The following SPON1 variants were observed in gnomAD, a reference collection of about 807,000 sequenced individuals.
SPON1 encodes spondin 1, also known as spondin-1.
A neutral mutation model predicts 111.7 loss-of-function variants in SPON1; 52 were observed. The ratio of observed to expected loss-of-function variants is 0.47; its 90% confidence interval spans 0.37 to 0.59. SPON1 has a LOEUF of 0.59. SPON1 is among the 20% of genes least tolerant of loss of function. The pLI, the probability that SPON1 is intolerant of heterozygous loss-of-function variation, is 0.00. For missense variants in SPON1, 957 were observed against 1,068.5 expected (o/e 0.90, Z 1.46); for synonymous variants, 410 against 395.8 (o/e 1.04, Z -0.43).
At chr11:13,968,033 A>G (rs1554908219) in intron 1 of SPON1, among the ~76,000 whole-genome samples, 2 of 152,222 alleles carry the variant, frequency 1.3e-5, no homozygotes, top group African/African-American at 4.8e-5. Flanking sequence ...TGACTCTTTC[A>G]GTTGCATCAA....
chr11:14,141,278 TAGA>T (rs1282921601), intron 6 of SPON1, among the ~76,000 whole-genome samples: 1 of 152,218 alleles, frequency 6.6e-6, no homozygotes, highest in Non-Finnish European at 1.5e-5. Context: ...TATCTGTTTG[TAGA>T]AGGAGAGAGA....
rs1349230586 is a variant in SPON1 at position 13,969,588 on chromosome 11, T to G, written c.238+6446T>G. ...AATGAAAACCCACTGGGGTATACAT[T>G]CAGAATGAAAATGAAAGAAAATATT... On this transcript the variant is annotated intron_variant, in intron 1 of 15. Transcript: ENST00000576479. Among the ~76,000 whole-genome samples the G allele has an allele frequency of 3.9e-5, 6 of 151,910 alleles. No homozygotes were observed. In the East Asian group the frequency reaches 1.2e-3, roughly 29 times the overall value.
intron 3 of SPON1, among the ~76,000 whole-genome samples, chr11:14,064,605 C>G (rs929050775): frequency 6.6e-6 from 1 of 152,048 alleles, no homozygotes. Context: ...GAGAGAGGAG[C>G]CTTTGTTTAG....
chr11:14,127,733 C>T (rs1028130336), intron 5 of SPON1, among the ~76,000 whole-genome samples: 13 of 152,124 alleles, frequency 8.5e-5, no homozygotes, highest in African/African-American at 1.9e-4. Flanking sequence ...AGTAAAGTCT[C>T]GTGTATTAGT....
rs16913765 is a variant in SPON1, at chr11:14,246,004, G to C, written c.890+2608G>C. 5.1e-3 allele frequency among the ~76,000 whole-genome samples: 770 copies of C among 152,344 alleles called. 13 individuals are homozygous for C. The highest frequency in any genetic ancestry group is 0.049 in the East Asian group (256 of 5,190). On this transcript the variant is annotated intron_variant, in intron 7 of 15. Coordinates refer to ENST00000576479, the MANE Select transcript of SPON1 (RefSeq NM_006108.4). The stretch of plus-strand genomic sequence containing the variant: ...TCACCCTGAATCTCCTTACTCTGCT[G>C]TCTCTTCAGATTCTCCCAGTTCCTT...
At chr11:13,975,393 T>A (rs903458331) in intron 1 of SPON1, among the ~76,000 whole-genome samples, 1 of 152,324 alleles carries the variant, frequency 6.6e-6, no homozygotes, top group East Asian at 1.9e-4. Context: ...TAAAACCTTT[T>A]TTGTTCATTC....
At chr11:14,247,827 C>T (rs925295349) in intron 7 of SPON1, among the ~76,000 whole-genome samples, 11 of 152,104 alleles carry the variant, frequency 7.2e-5, no homozygotes, top group Admixed American at 1.3e-4. Context: ...TTCAAGATTT[C>T]CAGTTAGAGG....
At chr11:14,106,470 T>A (rs906702499) in intron 5 of SPON1, among the ~76,000 whole-genome samples, 17 of 152,196 alleles carry the variant, frequency 1.1e-4, no homozygotes, top group African/African-American at 3.9e-4. Flanking sequence ...AAGAATTGTT[T>A]ATGCCAAGAA....
At chr11:14,023,464 A>G (rs1227997915) in intron 2 of SPON1, among the ~76,000 whole-genome samples, 1 of 152,224 alleles carries the variant, frequency 6.6e-6, no homozygotes, top group African/African-American at 2.4e-5. Flanking sequence ...GTAGATAATT[A>G]ACAACACAAG....
At chr11:14,144,691 C>A (rs1374973604) in intron 6 of SPON1, among the ~76,000 whole-genome samples, 1 of 147,778 alleles carries the variant, frequency 6.8e-6, no homozygotes, top group Admixed American at 6.8e-5. Context: ...AAGTAAAAAC[C>A]CAAAGAAGAC....
At chr11:14,070,861 T>A (rs991204528) in intron 3 of SPON1, among the ~76,000 whole-genome samples, 3 of 152,192 alleles carry the variant, frequency 2.0e-5, no homozygotes, top group Non-Finnish European at 4.4e-5. Flanking sequence ...AGATTCAGGA[T>A]GGCATTTTTG....
At chr11:14,057,004 A>G (rs1458528650) in intron 3 of SPON1, among the ~76,000 whole-genome samples, 3 of 152,162 alleles carry the variant, frequency 2.0e-5, no homozygotes, top group African/African-American at 7.2e-5. Flanking sequence ...CTGGATTACA[A>G]CCCATTAAAT....
At chr11:14,097,568 G>C (rs1849111280) in intron 5 of SPON1, among the ~76,000 whole-genome samples, 1 of 152,040 alleles carries the variant, frequency 6.6e-6, no homozygotes. Flanking sequence ...TTTCCTAATA[G>C]TTTTACCTAA....
chr11:14,057,658 C>A (rs782629750), intron 3 of SPON1, among the ~76,000 whole-genome samples: 3 of 151,734 alleles, frequency 2.0e-5, no homozygotes, highest in Non-Finnish European at 4.4e-5. Flanking sequence ...TTTTTTATAC[C>A]GCTCTTGTAA....
At chr11:14,233,745 ACTGTTT>A (rs1848829971) in intron 6 of SPON1, among the ~76,000 whole-genome samples, 1 of 138,702 alleles carries the variant, frequency 7.2e-6, no homozygotes, top group Non-Finnish European at 1.5e-5. Flanking sequence ...AGTGTCCAAC[ACTGTTT>A]CTTTTTCTTT....
intron 6 of SPON1, among the ~76,000 whole-genome samples, chr11:14,218,291 G>T (rs1466782098): frequency 1.3e-5 from 2 of 152,048 alleles, no homozygotes; most frequent in African/African-American, 2.4e-5. Context: ...CCCCTAGCGG[G>T]TCTGCATCCT....
intron 6 of SPON1, among the ~76,000 whole-genome samples, chr11:14,223,608 A>T (rs1848705479): frequency 6.6e-6 from 1 of 151,944 alleles, no homozygotes; most frequent in South Asian, 2.1e-4. Flanking sequence ...AAAATGCCAG[A>T]CTCTTTATCT....
In SPON1 at chr11:14,259,171, C is replaced by T. The variant is rs1273964446; in HGVS notation, c.1493-109C>T. On this transcript the variant is annotated intron_variant, in intron 11 of 15. Coordinates refer to ENST00000576479, the MANE Select transcript of SPON1 (RefSeq NM_006108.4). The surrounding 1 kb of genome is among the most constrained non-coding windows in gnomAD (Gnocchi z 5.0). Reference sequence around the variant, plus strand: ...GACCTCTTAGGTGTGCAGACAACCTCAACTGCCTGACTCCTCTTGATTCCC... The same window carrying T: ...GACCTCTTAGGTGTGCAGACAACCTTAACTGCCTGACTCCTCTTGATTCCC... 3.9e-6 allele frequency: 5 copies of T among 1,273,726 alleles called. No individual in the cohort carries two copies. 78.9% of individuals were successfully genotyped at this position (1,273,726 alleles called of 1,614,324 possible).
chr11:14,097,795 A>G (rs782349173), intron 5 of SPON1, among the ~76,000 whole-genome samples: 4 of 151,930 alleles, frequency 2.6e-5, no homozygotes, highest in Non-Finnish European at 5.9e-5. Context: ...AGATAAATAA[A>G]CAAAATAAAA....
Sources: allele counts gnomAD v4.1 joint callset (sites outside exome capture counted in the v4.1 genomes callset), GRCh38; gene constraint gnomAD v4.1.1; non-coding constraint Gnocchi (gnomAD v3.1); transcripts MANE v1.5; gene names NCBI Gene and HGNC (gene_info 2026-07-23, HGNC 2026-07-21).